The following FKBP3 variants were observed in gnomAD, a reference collection of about 807,000 sequenced individuals.
The protein encoded by FKBP3 is FKBP prolyl isomerase 3.
Under a neutral mutation model 30.6 loss-of-function variants are expected in FKBP3, and 21 were observed. The ratio of observed to expected loss-of-function variants is 0.69; its 90% CI spans 0.49 to 0.99. The LOEUF (loss-of-function observed/expected upper bound fraction) is 0.99, where lower values mean the gene tolerates loss of function less well. Ranked by LOEUF, FKBP3 falls within the 50% of genes least tolerant of loss-of-function variation. The pLI, the probability that FKBP3 is intolerant of heterozygous loss-of-function variation, is 0.00. For synonymous variants in FKBP3, 82 were observed against 91.3 expected, an observed-to-expected ratio of 0.90 and a Z score of 0.58; for missense variants, 283 against 261.6, an observed-to-expected ratio of 1.08 and a Z score of -0.56.
At chr14:45,128,007 A>G (rs1885137015) in intron 3 of FKBP3, among the ~76,000 whole-genome samples, 1 of 152,200 alleles carries the variant, frequency 6.6e-6, no homozygotes, top group African/African-American at 2.4e-5. Context: ...ATGGCTAGAC[A>G]TTCACATTTT....
Position 45,129,864 on chromosome 14 carries a change from TCAGA to T in FKBP3, c.244_247del (p.Glu83LysfsTer2). The T allele has an allele frequency of 6.2e-7, 1 of 1,613,134 alleles. No homozygotes were observed. ...ATTAAGCTTCACATTTTTTACTTGC[TCAGA>T]CACTTTACTTATACTTTCAGTACCC... On this transcript the variant is annotated frameshift_variant, in exon 3 of 7. Coordinates refer to ENST00000396062, the MANE Select transcript of FKBP3 (RefSeq NM_002013.4). LOFTEE classifies it high-confidence loss of function.
intron 1 of FKBP3, among the ~76,000 whole-genome samples, chr14:45,133,099 AGAAGGCACTG>A: frequency 6.6e-6 from 1 of 152,332 alleles, no homozygotes; most frequent in Non-Finnish European, 1.5e-5. Flanking sequence ...TAATTAAGGA[AGAAGGCACTG>A]GAAGTTGGAG....
intron 3 of FKBP3, among the ~76,000 whole-genome samples, chr14:45,124,352 G>A (rs1239236175): frequency 6.6e-6 from 1 of 152,022 alleles, no homozygotes; most frequent in East Asian, 1.9e-4. Context: ...CCAACATGGT[G>A]AAACCCTCAT....
Position 45,128,836 on chromosome 14 carries a change from A to G in FKBP3, c.318+958T>C, listed in dbSNP as rs545623552. On this transcript the variant is annotated intron_variant, in intron 3 of 6. Coordinates refer to ENST00000396062, the MANE Select transcript of FKBP3 (RefSeq NM_002013.4). ...TGTCTCCTAAAACCATCCTCATTCT[A>G]ATTTCCTGGAGGGTGAACTATGTTG... Among the ~76,000 whole-genome samples, 6 of 152,292 alleles carry G rather than the reference A, an allele frequency of 3.9e-5. No homozygotes were observed. In the South Asian group the frequency reaches 1.2e-3, roughly 32 times the overall value.
At chr14:45,123,425 T>A (rs1193761752) in intron 3 of FKBP3, among the ~76,000 whole-genome samples, 1 of 151,724 alleles carries the variant, frequency 6.6e-6, no homozygotes, top group Non-Finnish European at 1.5e-5. Context: ...AAAAATTTAC[T>A]GTTTGTTCCA....
chr14:45,134,276 A>C, intron 1 of FKBP3, 73 bp downstream of exon 1: 1 of 1,183,348 alleles, frequency 8.5e-7, no homozygotes, highest in Non-Finnish European at 1.2e-6. Flanking sequence ...GGAATACGGA[A>C]TGTATGGGCA....
At chr14:45,122,269 G>C (rs1243900019) in intron 3 of FKBP3, among the ~76,000 whole-genome samples, 2 of 144,624 alleles carry the variant, frequency 1.4e-5, no homozygotes, top group Non-Finnish European at 3.1e-5. Flanking sequence ...AAGAATCTTA[G>C]GGAGTTAATT....
At chr14:45,117,239 T>C (rs1260441336) in intron 6 of FKBP3, among the ~76,000 whole-genome samples, 1 of 152,250 alleles carries the variant, frequency 6.6e-6, no homozygotes. Flanking sequence ...CCCAAAGTGC[T>C]GGGATTACAG....
At chr14:45,119,097 GTCT>G (rs1594740999) in intron 5 of FKBP3, among the ~76,000 whole-genome samples, 1 of 152,254 alleles carries the variant, frequency 6.6e-6, no homozygotes, top group East Asian at 1.9e-4. Flanking sequence ...AACAATAAAA[GTCT>G]TCTGGGTTGG....
At chr14:45,134,202 A>T in intron 1 of FKBP3, 147 bp downstream of exon 1, 1 of 658,116 alleles carries the variant, frequency 1.5e-6, no homozygotes. Flanking sequence ...GCACCAAAGC[A>T]CAAGCTGGGC....
At chr14:45,116,417 TAATG>T in intron 6 of FKBP3, 165 bp from the exon 7 acceptor site, 1 of 536,386 alleles carries the variant, frequency 1.9e-6, no homozygotes, top group Non-Finnish European at 3.4e-6. Flanking sequence ...AGCCACCACT[TAATG>T]AAGACTATTA....
chr14:45,118,726 T>G (rs1884914074), intron 5 of FKBP3, among the ~76,000 whole-genome samples: 1 of 152,204 alleles, frequency 6.6e-6, no homozygotes, highest in Non-Finnish European at 1.5e-5. Context: ...ATCATAAACC[T>G]GCAACACTTT....
At chr14:45,125,677 T>C (rs1286698983) in intron 3 of FKBP3, among the ~76,000 whole-genome samples, 1 of 152,092 alleles carries the variant, frequency 6.6e-6, no homozygotes, top group African/African-American at 2.4e-5. Flanking sequence ...AAATAAATAA[T>C]ACAAATGTGC....
intron 2 of FKBP3, 136 bp from the exon 3 acceptor site, chr14:45,130,037 T>C: frequency 2.1e-6 from 1 of 469,532 alleles, no homozygotes; most frequent in Middle Eastern, 5.5e-4. Context: ...GAATAAATGG[T>C]CTAAGGAAAC....
intron 5 of FKBP3, among the ~76,000 whole-genome samples, chr14:45,120,471 A>AT (rs368125346): frequency 3.0e-4 from 46 of 152,318 alleles, no homozygotes; most frequent in African/African-American, 1.0e-3. Flanking sequence ...TGGGACAGAT[A>AT]TTTTACCTTT....
chr14:45,119,010 C>A (rs1884921078), intron 5 of FKBP3, among the ~76,000 whole-genome samples: 1 of 152,090 alleles, frequency 6.6e-6, no homozygotes, highest in Non-Finnish European at 1.5e-5. Context: ...GCATGCCCAG[C>A]TAATTTTGGA....
intron 1 of FKBP3, among the ~76,000 whole-genome samples, chr14:45,133,959 TC>T (rs1476952562): frequency 1.3e-5 from 2 of 152,162 alleles, no homozygotes; most frequent in Non-Finnish European, 2.9e-5. Context: ...AATCTTCACA[TC>T]CCTTCCCATT....
chr14:45,121,736 A>G, intron 3 of FKBP3, 116 bp from the exon 4 acceptor site: 3 of 1,199,370 alleles, frequency 2.5e-6, no homozygotes, highest in Non-Finnish European at 3.5e-6. Context: ...TGGATTTGGT[A>G]ATAAATAAAC....
At chr14:45,130,972 T>TA in intron 1 of FKBP3, 172 bp from the exon 2 acceptor site, 3 of 482,946 alleles carry the variant, frequency 6.2e-6, no homozygotes, top group Non-Finnish European at 7.3e-6. Flanking sequence ...AGAGATTTTT[T>TA]AAAAATTCGG....
Sources: allele counts gnomAD v4.1 joint callset (sites outside exome capture counted in the v4.1 genomes callset), GRCh38; gene constraint gnomAD v4.1.1; transcripts MANE v1.5; gene names NCBI Gene and HGNC (gene_info 2026-07-23, HGNC 2026-07-21).